PCGF5: variants seen among roughly 807,000 people sequenced by gnomAD.
PCGF5 encodes polycomb group ring finger 5, also known as polycomb group RING finger protein 5.
In PCGF5, 9 loss-of-function variants were observed where a neutral mutation model predicts 44.3. The ratio of observed to expected loss-of-function variants is 0.20; its 90% CI spans 0.12 to 0.35. The LOEUF (loss-of-function observed/expected upper bound fraction) is 0.35. Ranked by LOEUF, PCGF5 falls within the 10% of genes least tolerant of loss-of-function variation. The pLI is 1.00. For missense variants in PCGF5, 146 were observed against 305.3 expected (o/e 0.48, Z 3.89); for synonymous variants, 95 against 102.5 (o/e 0.93, Z 0.44).
At chr10:91,250,207 T>C (rs934069923) in intron 5 of PCGF5, among the ~76,000 whole-genome samples, 1 of 152,026 alleles carries the variant, frequency 6.6e-6, no homozygotes, top group Non-Finnish European at 1.5e-5. Flanking sequence ...GTATATTCTC[T>C]ATAAATAAGG....
chr10:91,200,045 C>T (rs1324752744), intron 1 of PCGF5, among the ~76,000 whole-genome samples: 1 of 152,322 alleles, frequency 6.6e-6, no homozygotes, highest in East Asian at 1.9e-4. Flanking sequence ...ACCCAAAGGA[C>T]AGGGAAATTG....
intron 1 of PCGF5, among the ~76,000 whole-genome samples, chr10:91,201,449 G>A (rs770384122): frequency 6.6e-6 from 1 of 152,218 alleles, no homozygotes. Context: ...CATGAAATTT[G>A]GGGAACTCAT....
chr10:91,238,628 T>TTTTTTTTTTTTTTC (rs1845242552), intron 2 of PCGF5, among the ~76,000 whole-genome samples: 1 of 126,580 alleles, frequency 7.9e-6, no homozygotes, highest in Non-Finnish European at 1.8e-5. Flanking sequence ...TTTTTTTTTT[T>TTTTTTTTTTTTTTC]TTTGCCTCTT....
At chr10:91,227,868 C>T in intron 2 of PCGF5, 3 of 984,470 alleles carry the variant, frequency 3.0e-6, no homozygotes, top group Non-Finnish European at 3.6e-6. Flanking sequence ...TCCTTTAAAA[C>T]TCATCCCCTC....
At chr10:91,202,368 A>G (rs1844268901) in intron 1 of PCGF5, among the ~76,000 whole-genome samples, 1 of 152,196 alleles carries the variant, frequency 6.6e-6, no homozygotes, top group Non-Finnish European at 1.5e-5. Flanking sequence ...TAATGATTTC[A>G]GTAAAACCCA....
At position 91,264,514 on chromosome 10, in the gene PCGF5, C is replaced by G; in HGVS notation, c.657C>G (p.Gly219=). ...ACATGACAAGATGGCGACTAAGAGG[C>G]GAAAACGTAAATTGCTTTTATATTT... ...FIYMTRWRLR[G]ENFRCLNCSA... is the part of the protein sequence containing the mutation. The change falls in exon 8 of 10, where the codon GGC becomes GGG. Residue 219 remains glycine (G), a synonymous_variant. Coordinates refer to ENST00000336126, the MANE Select transcript of PCGF5 (RefSeq NM_032373.5). The G allele has an allele frequency of 6.2e-7, 1 of 1,606,608 alleles. No individual in the cohort carries two copies. Among genetic ancestry groups the G allele is most frequent in the Non-Finnish European group, 8.5e-7 (1 of 1,176,332 alleles).
intron 3 of PCGF5, among the ~76,000 whole-genome samples, chr10:91,245,183 C>G (rs1383629020): frequency 6.6e-6 from 1 of 152,078 alleles, no homozygotes; most frequent in Non-Finnish European, 1.5e-5. Flanking sequence ...AGAGGAAAAT[C>G]CAGGAGTGTG....
chr10:91,207,647 A>G (rs1040478530), intron 1 of PCGF5, among the ~76,000 whole-genome samples: 1 of 152,244 alleles, frequency 6.6e-6, no homozygotes, highest in African/African-American at 2.4e-5. Context: ...TTCAGTAAAC[A>G]GTCTAAAATC....
upstream of PCGF5, among the ~76,000 whole-genome samples, chr10:91,217,193 C>T (rs1189811625): frequency 1.3e-5 from 2 of 152,162 alleles, no homozygotes; most frequent in Non-Finnish European, 2.9e-5. Context: ...GCCACCACGC[C>T]CTGCTAATCT....
At chr10:91,190,249 A>G (rs1444234508) in intron 1 of PCGF5, among the ~76,000 whole-genome samples, 2 of 152,140 alleles carry the variant, frequency 1.3e-5, no homozygotes, top group Non-Finnish European at 2.9e-5. Flanking sequence ...TGTTCTCATG[A>G]TCCAGTCACC....
chr10:91,232,193 A>G (rs1356149986), intron 2 of PCGF5, among the ~76,000 whole-genome samples: 1 of 152,170 alleles, frequency 6.6e-6, no homozygotes, highest in African/African-American at 2.4e-5. Flanking sequence ...GATGGGGTTG[A>G]GAATAGATTC....
At chr10:91,210,972 T>C (rs1026586535) in intron 1 of PCGF5, among the ~76,000 whole-genome samples, 1 of 152,200 alleles carries the variant, frequency 6.6e-6, no homozygotes, top group African/African-American at 2.4e-5. Context: ...AGAAGGACTA[T>C]AGTAGCATCC....
intron 9 of PCGF5, among the ~76,000 whole-genome samples, chr10:91,274,414 C>T (rs1328493946): frequency 2.0e-5 from 3 of 152,092 alleles, no homozygotes; most frequent in Admixed American, 6.5e-5. Flanking sequence ...AAGAATAGCT[C>T]AGCAACAGAC....
intron 3 of PCGF5, among the ~76,000 whole-genome samples, chr10:91,241,137 C>T (rs1307475939): frequency 3.3e-5 from 5 of 151,282 alleles, no homozygotes; most frequent in Admixed American, 6.6e-5. Flanking sequence ...TGCAATGGTG[C>T]GATCTCAGCT....
chr10:91,224,896 C>T (rs1302060616), intron 2 of PCGF5, among the ~76,000 whole-genome samples: 1 of 152,080 alleles, frequency 6.6e-6, no homozygotes, highest in East Asian at 1.9e-4. Flanking sequence ...TTCCGTTTCC[C>T]GTTTCACCAA....
At chr10:91,199,631 A>T (rs1282734373) in intron 1 of PCGF5, among the ~76,000 whole-genome samples, 1 of 152,224 alleles carries the variant, frequency 6.6e-6, no homozygotes, top group Non-Finnish European at 1.5e-5. Flanking sequence ...CCAAAATATG[A>T]TGCAGTATTT....
upstream of PCGF5, among the ~76,000 whole-genome samples, chr10:91,216,105 A>T (rs1418043883): frequency 6.6e-6 from 1 of 152,180 alleles, no homozygotes. Flanking sequence ...CAGTGGATCC[A>T]CTGGGCTTAC....
In PCGF5 at chr10:91,202,259, A is replaced by G. The variant is rs575946356; in HGVS notation, c.-183-20430A>G. Among the ~76,000 whole-genome samples the G allele has an allele frequency of 2.0e-5, 3 of 152,302 alleles. No individual in the cohort carries two copies. In the South Asian group the frequency reaches 6.2e-4, roughly 32 times the overall value. ...GTTCTTCTGTCTTTTTTGATGTAGT[A>G]TGGTGGTTAAGCCTATAGACTCTGA... On this transcript the variant is annotated intron_variant, in intron 1 of 9. Coordinates refer to the PCGF5 transcript ENST00000614189.
At chr10:91,272,903 G>T (rs1199397195) in intron 9 of PCGF5, among the ~76,000 whole-genome samples, 5 of 152,110 alleles carry the variant, frequency 3.3e-5, no homozygotes, top group African/African-American at 1.2e-4. Context: ...AACTTAACTG[G>T]CATACTTACC....
Sources: allele counts gnomAD v4.1 joint callset (sites outside exome capture counted in the v4.1 genomes callset), GRCh38; gene constraint gnomAD v4.1.1; transcripts MANE v1.5; gene names NCBI Gene and HGNC (gene_info 2026-07-23, HGNC 2026-07-21).